The following UPF3A variants were observed in gnomAD, a reference collection of about 807,000 sequenced individuals.
UPF3A encodes the protein regulator of nonsense transcripts 3A.
A neutral mutation model predicts 53.5 loss-of-function variants in UPF3A; 42 were observed. The ratio of observed to expected loss-of-function variants is 0.78; its 90% confidence interval spans 0.61 to 1.01. UPF3A has a LOEUF of 1.01. Among genes scored for constraint, UPF3A ranks in the 50% least tolerant of loss-of-function variants. The probability of loss-of-function intolerance (pLI) is 0.00; values close to 1 mark genes in which losing one functional copy is unlikely to be tolerated. For missense variants in UPF3A, 575 were observed against 598.0 expected, an observed-to-expected ratio of 0.96 and a Z score of 0.40; for synonymous variants, 237 against 225.3, an observed-to-expected ratio of 1.05 and a Z score of -0.47.
intron 2 of UPF3A, 56 bp downstream of exon 2, chr13:114,282,183 T>C: frequency 7.0e-7 from 1 of 1,436,726 alleles, no homozygotes; most frequent in Non-Finnish European, 9.4e-7. Context: ...TCGGCGGCGG[T>C]GGCCGTCTCG....
intron 7 of UPF3A, among the ~76,000 whole-genome samples, chr13:114,296,817 A>G (rs1032413251): frequency 6.6e-6 from 1 of 152,156 alleles, no homozygotes; most frequent in African/African-American, 2.4e-5. Flanking sequence ...GTGGTATTGA[A>G]AAAGACGTGC....
intron 5 of UPF3A, among the ~76,000 whole-genome samples, chr13:114,289,060 T>C (rs2085019968): frequency 6.6e-6 from 1 of 152,018 alleles, no homozygotes; most frequent in South Asian, 2.1e-4. Context: ...GGGGGGCATG[T>C]CCTGGCACCT....
In UPF3A at chr13:114,281,682, G is replaced by C. The variant is rs751211531; in HGVS notation, c.43G>C (p.Val15Leu). Residue 15 changes from valine to leucine, a missense_variant, in exon 1 of 10, where the codon GTT becomes CTT. Val to Leu is a conservative substitution (Grantham distance 32, BLOSUM62 1). Transcript: ENST00000375299. ...GGGGGCCGGAGGCCTTCGGGCGGCC[G>C]TTGCCGCGCGGGGCCCGAGCGGGAG... is the stretch of plus-strand genomic sequence containing the variant. ...KEGAGGLRAA[V>L]AARGPSGREK... 2.6e-6 allele frequency: 4 copies of C among 1,533,832 alleles called. No homozygotes were observed. In the East Asian group the frequency reaches 1.0e-4, roughly 39 times the overall value.
rs527918232 is a variant in UPF3A at position 114,303,845 on chromosome 13, G to T, written c.1303-944G>T. Among the ~76,000 whole-genome samples, 8 of 152,272 alleles carry T rather than the reference G, an allele frequency of 5.3e-5. No individual in the cohort carries two copies. In the East Asian group the frequency reaches 1.2e-3, roughly 22 times the overall value. Reference sequence around the variant, plus strand: ...GCTGGCTCCAGGCAGCCTGTCCAGGGGCCTGCTGAGCCTGTTCCCACCCCT... The same window carrying T: ...GCTGGCTCCAGGCAGCCTGTCCAGGTGCCTGCTGAGCCTGTTCCCACCCCT... On this transcript the variant is annotated intron_variant, in intron 9 of 9. Coordinates refer to ENST00000375299, the MANE Select transcript of UPF3A (RefSeq NM_023011.4).
intron 7 of UPF3A, among the ~76,000 whole-genome samples, chr13:114,292,857 G>A (rs562375333): frequency 1.8e-4 from 28 of 151,538 alleles, no homozygotes; most frequent in African/African-American, 5.6e-4. Context: ...GGCAGATCAC[G>A]AGGTCAGGAG....
chr13:114,298,573 T>C lies in UPF3A; in HGVS notation c.847-267T>C, dbSNP rs186206591. ...AAAGTGTAAGTGAGATTGTGGTGCA[T>C]GTTCTGTTTTTTAGCCCTTTATTCA... is the stretch of plus-strand genomic sequence containing the variant. On this transcript the variant is annotated intron_variant, in intron 7 of 9. Transcript: ENST00000375299. Among the ~76,000 whole-genome samples the C allele has an allele frequency of 1.1e-3, 164 of 152,204 alleles. 1 individual carries two copies. The Middle Eastern group carries it at 0.014, about 13-fold the overall frequency.
intron 7 of UPF3A, among the ~76,000 whole-genome samples, chr13:114,292,157 G>A (rs2085349873): frequency 6.6e-6 from 1 of 150,846 alleles, no homozygotes. Flanking sequence ...ATGTGCAGGT[G>A]TGTTACATGT....
At chr13:114,282,692 TC>T in intron 2 of UPF3A, 144 bp from the exon 3 acceptor site, 2 of 1,475,154 alleles carry the variant, frequency 1.4e-6, no homozygotes, top group Non-Finnish European at 1.8e-6. Flanking sequence ...CTAAAGAATA[TC>T]CAAGTTGTTA....
At chr13:114,303,517 G>A (rs1388336149) in intron 9 of UPF3A, among the ~76,000 whole-genome samples, 1 of 152,178 alleles carries the variant, frequency 6.6e-6, no homozygotes, top group African/African-American at 2.4e-5. Context: ...CCGGTGCGGT[G>A]GCTCATGCCT....
intron 7 of UPF3A, among the ~76,000 whole-genome samples, chr13:114,297,590 G>C (rs2086170317): frequency 6.6e-6 from 1 of 152,178 alleles, no homozygotes; most frequent in Non-Finnish European, 1.5e-5. Flanking sequence ...CCAGCACTTT[G>C]GGAGGCCAAC....
intron 7 of UPF3A, among the ~76,000 whole-genome samples, chr13:114,295,965 A>G (rs2139307840): frequency 6.6e-6 from 1 of 152,300 alleles, no homozygotes; most frequent in Middle Eastern, 3.4e-3. Flanking sequence ...AGGCAGGACT[A>G]GAGGGTTGGG....
At position 114,301,944 on chromosome 13, in the gene UPF3A, G is replaced by T. The variant is rs146464930; in HGVS notation, c.1221G>T (p.Pro407=). ...GKKGSQDSGA[P]GEAMERLGRA... is the part of the protein sequence containing the mutation. Reference sequence around the variant, plus strand: ...AGGGGAGCCAGGACAGCGGGGCTCCGGGGGAGGCCATGGAGAGACTGGGAA... The same window carrying T: ...AGGGGAGCCAGGACAGCGGGGCTCCTGGGGAGGCCATGGAGAGACTGGGAA... The change falls in exon 9 of 10, where the codon CCG becomes CCT. Residue 407 remains proline (P), a synonymous_variant. Coordinates refer to ENST00000375299, the MANE Select transcript of UPF3A (RefSeq NM_023011.4). 15 of 1,610,776 alleles carry T rather than the reference G, an allele frequency of 9.3e-6. No individual in the cohort carries two copies. Among genetic ancestry groups the T allele is most frequent in the Non-Finnish European group, 1.3e-5 (15 of 1,178,354 alleles).
chr13:114,299,868 T>C (rs1330837569), intron 8 of UPF3A, among the ~76,000 whole-genome samples: 1 of 152,268 alleles, frequency 6.6e-6, no homozygotes, highest in East Asian at 1.9e-4. Flanking sequence ...GTGGGAAGAC[T>C]AATGCGATTA....
At position 114,282,825 on chromosome 13, in the gene UPF3A, C is replaced by G. The variant is rs187671817; in HGVS notation, c.315-12C>G. 17 of 1,594,376 alleles carry G rather than the reference C, an allele frequency of 1.1e-5. No homozygotes were observed. The highest frequency in any genetic ancestry group is 1.5e-5 in the Non-Finnish European group (17 of 1,166,174). On this transcript the variant is annotated splice_polypyrimidine_tract_variant and intron_variant, in intron 2 of 9. Transcript: ENST00000375299. ...TTTCACTGACCATTTTCACTGTTAT[C>G]TCTTATTTCAGTCTTTATCCTCATC...
In UPF3A at chr13:114,286,621, A is replaced by G; in HGVS notation, c.623A>G (p.Glu208Gly). 1 of 1,612,076 alleles carries G rather than the reference A, an allele frequency of 6.2e-7. No individual in the cohort carries two copies. The highest frequency in any genetic ancestry group is 8.5e-7 in the Non-Finnish European group (1 of 1,179,134). Residue 208 changes from glutamate (E) to glycine (G), a missense_variant, in exon 5 of 10, where the codon GAG (glutamate) becomes GGG (glycine). By Grantham distance (98) the Glu-to-Gly change is moderately conservative. Transcript: ENST00000375299. Reference sequence around the variant, plus strand: ...GGGGAGATGGAGGCGAAGACAAGAGAGCTCATTGGTCTGTTTTGCTCATTT... The same window carrying G: ...GGGGAGATGGAGGCGAAGACAAGAGGGCTCATTGGTCTGTTTTGCTCATTT... ...LLGEMEAKTR[E>G]LIARRTTPLL... is the part of the protein sequence containing the mutation.
intron 3 of UPF3A, chr13:114,283,730 C>A: frequency 1.0e-6 from 1 of 984,208 alleles, no homozygotes; most frequent in Non-Finnish European, 1.2e-6. Flanking sequence ...TCAATAGTTC[C>A]CTTATCAGTA....
chr13:114,283,719 C>G, intron 3 of UPF3A: 2 of 981,504 alleles, frequency 2.0e-6, no homozygotes, highest in Non-Finnish European at 2.4e-6. Flanking sequence ...CAACTCTACT[C>G]TCAATAGTTC....
chr13:114,301,302 A>G (rs1304682314), intron 8 of UPF3A, among the ~76,000 whole-genome samples: 1 of 152,042 alleles, frequency 6.6e-6, no homozygotes, highest in Non-Finnish European at 1.5e-5. Flanking sequence ...TCTACTAAAA[A>G]TACACAAAAA....
chr13:114,291,312 CT>C (rs2085248910), intron 5 of UPF3A, among the ~76,000 whole-genome samples, 176 bp from the exon 6 acceptor site: 1 of 152,162 alleles, frequency 6.6e-6, no homozygotes, highest in African/African-American at 2.4e-5. Context: ...ATTGTTGATA[CT>C]TTCAAATTAC....
Sources: allele counts gnomAD v4.1 joint callset (sites outside exome capture counted in the v4.1 genomes callset), GRCh38; gene constraint gnomAD v4.1.1; transcripts MANE v1.5; gene names NCBI Gene and HGNC (gene_info 2026-07-23, HGNC 2026-07-21).